The following TMEM272 variants were observed in gnomAD, a reference collection of about 807,000 sequenced individuals.
The protein encoded by TMEM272 is transmembrane protein 272, also known as long intergenic non-protein coding RNA 282.
Under a neutral mutation model 3.7 loss-of-function variants are expected in TMEM272, and 8 were observed. That is an observed-to-expected ratio of 2.17 (90% CI 1.27 to 3.91). TMEM272 has a LOEUF of 3.91. TMEM272 is among the 30% of genes most tolerant of loss of function. The pLI, the probability that TMEM272 is intolerant of heterozygous loss-of-function variation, is 0.00. For missense variants in TMEM272, 166 were observed against 91.5 expected (o/e 1.81, Z -3.32); for synonymous variants, 63 against 39.8 (o/e 1.58, Z -2.20).
chr13:51,817,119 G>C lies in TMEM272; in HGVS notation c.202-6C>G, dbSNP rs1337547296. 1.6e-5 allele frequency: 11 copies of C among 697,630 alleles called. No homozygotes were observed. In the Admixed American group the frequency reaches 2.2e-4, roughly 14 times the overall value. The allele number at this position is 697,630 out of a possible 1,614,324, so 43.2% of individuals were successfully genotyped here. ...TCGTACAACAGGAGAGACACCTGGG[G>C]CGTGGTGGGGAGCCAGGGTGGCAAG... is the stretch of plus-strand genomic sequence containing the variant. On this transcript the variant is annotated splice_polypyrimidine_tract_variant and splice_region_variant and intron_variant, in intron 4 of 4. Transcript: ENST00000629372.
the TMEM272 span, among the ~76,000 whole-genome samples, chr13:51,919,889 A>T: frequency 6.6e-6 from 1 of 152,202 alleles, no homozygotes; most frequent in Non-Finnish European, 1.5e-5. Flanking sequence ...TTTCATCTCT[A>T]TGCTATTAAT....
In TMEM272 at chr13:51,816,112, T is replaced by C. The variant is rs1194708790; in HGVS notation, c.*639A>G. On this transcript the variant is annotated 3_prime_UTR_variant, in exon 5 of 5. Coordinates refer to ENST00000629372, the MANE Select transcript of TMEM272 (RefSeq NM_001351003.2). ...CTGTAGCAGGCCAGCCCGCCCCCTA[T>C]GTGGAAGCTACTGCTTTGACGTTGT... The C allele has an allele frequency of 6.5e-6, 1 of 152,902 alleles. No homozygotes were observed. Among genetic ancestry groups the C allele is most frequent in the Non-Finnish European group, 1.5e-5 (1 of 68,586 alleles). The allele number at this position is 152,902 out of a possible 1,614,324, so 9.5% of individuals were successfully genotyped here. A position where few individuals can be genotyped will look rare whatever the true frequency, so the allele number is the denominator to read the frequency against.
At chr13:51,919,939 A>AAAGGAAGGAAGGAAAGGAAG in the TMEM272 span, among the ~76,000 whole-genome samples, 435 of 152,294 alleles carry the variant, frequency 2.9e-3, 1 homozygote, top group African/African-American at 0.01. Flanking sequence ...ATGAAGGAGA[A>AAAGGAAGGAAGGAAAGGAAG]AAGGAAGGAA....
chr13:51,897,582 C>T, the TMEM272 span, among the ~76,000 whole-genome samples: 1 of 151,778 alleles, frequency 6.6e-6, no homozygotes, highest in Non-Finnish European at 1.5e-5. Context: ...TTATTTTTGT[C>T]TGCCAAGATG....
chr13:51,862,890 C>T, the TMEM272 span, among the ~76,000 whole-genome samples: 1 of 152,202 alleles, frequency 6.6e-6, no homozygotes, highest in African/African-American at 2.4e-5. Flanking sequence ...CCAATTCCCT[C>T]CTATATAGGC....
chr13:51,924,117 C>T, the TMEM272 span, among the ~76,000 whole-genome samples: 5 of 152,242 alleles, frequency 3.3e-5, no homozygotes, highest in South Asian at 1.0e-3. Flanking sequence ...TCCCACCTTA[C>T]AGCTGCTTCT....
the TMEM272 span, among the ~76,000 whole-genome samples, chr13:51,862,731 A>G: frequency 6.6e-6 from 1 of 152,156 alleles, no homozygotes; most frequent in Non-Finnish European, 1.5e-5. Flanking sequence ...GAGGTTGGGC[A>G]AGGATATCCA....
the TMEM272 span, chr13:51,910,079 T>C: frequency 3.5e-6 from 4 of 1,150,500 alleles, no homozygotes; most frequent in East Asian, 4.7e-5. Flanking sequence ...ATTTGAGGGA[T>C]TTTGACTCAT....
chr13:51,887,429 G>C, the TMEM272 span, among the ~76,000 whole-genome samples: 2 of 152,128 alleles, frequency 1.3e-5, no homozygotes, highest in South Asian at 2.1e-4. Flanking sequence ...TCTCTATTTT[G>C]TTTCTTTTAG....
At chr13:51,877,484 C>T in the TMEM272 span, among the ~76,000 whole-genome samples, 1 of 152,188 alleles carries the variant, frequency 6.6e-6, no homozygotes, top group Admixed American at 6.5e-5. Flanking sequence ...AATAATTGAA[C>T]ATTGTGCTTG....
the TMEM272 span, chr13:51,910,240 C>T: frequency 1.7e-5 from 23 of 1,348,374 alleles, no homozygotes; most frequent in Middle Eastern, 3.6e-4. Context: ...CAGTTTGCCT[C>T]CAGACTTTGT....
chr13:51,846,906 A>G (rs535664779), upstream of TMEM272, among the ~76,000 whole-genome samples: 1 of 152,386 alleles, frequency 6.6e-6, no homozygotes, highest in South Asian at 2.1e-4. Context: ...CTAAGTGTAC[A>G]GTGTTTATGA....
chr13:51,828,315 T>G (rs1448894249), intron 2 of TMEM272, among the ~76,000 whole-genome samples: 1 of 152,206 alleles, frequency 6.6e-6, no homozygotes, highest in Non-Finnish European at 1.5e-5. Context: ...ATCTGTCTTC[T>G]CTAGAGAAGA....
chr13:51,892,405 G>A, the TMEM272 span, among the ~76,000 whole-genome samples: 347 of 152,264 alleles, frequency 2.3e-3, 4 homozygotes, highest in African/African-American at 7.9e-3. Flanking sequence ...GAAAAATAGG[G>A]GGCACAGGTA....
the TMEM272 span, chr13:51,934,128 G>A: frequency 6.5e-5 from 11 of 167,954 alleles, no homozygotes; most frequent in South Asian, 4.7e-4. Flanking sequence ...TTGGAGAAGC[G>A]CCTGAGAGCA....
chr13:51,886,966 C>G, the TMEM272 span, among the ~76,000 whole-genome samples: 2 of 152,184 alleles, frequency 1.3e-5, no homozygotes, highest in East Asian at 3.8e-4. Flanking sequence ...ACCGTGCTCA[C>G]CAGTCCATAA....
At chr13:51,835,013 G>A (rs1292031185) in intron 2 of TMEM272, among the ~76,000 whole-genome samples, 1 of 152,044 alleles carries the variant, frequency 6.6e-6, no homozygotes, top group Admixed American at 6.6e-5. Flanking sequence ...GCCCAGGAGA[G>A]CTCCAGAAAG....
At chr13:51,826,002 C>A (rs556706830) in intron 3 of TMEM272, among the ~76,000 whole-genome samples, 2 of 152,032 alleles carry the variant, frequency 1.3e-5, no homozygotes, top group East Asian at 1.9e-4. Context: ...TTCACTGACA[C>A]GTGATAACAA....
intron 1 of TMEM272, among the ~76,000 whole-genome samples, chr13:51,842,379 A>G (rs1338576355): frequency 6.6e-6 from 1 of 152,246 alleles, no homozygotes; most frequent in Non-Finnish European, 1.5e-5. Context: ...TTGCTTTCCA[A>G]AAGTCCAGAG....
Sources: allele counts gnomAD v4.1 joint callset (sites outside exome capture counted in the v4.1 genomes callset), GRCh38; gene constraint gnomAD v4.1.1; transcripts MANE v1.5; gene names NCBI Gene and HGNC (gene_info 2026-07-23, HGNC 2026-07-21).